CDH18: variants seen among roughly 807,000 people sequenced by gnomAD.
CDH18 encodes the protein cadherin 18, also known as cadherin-18.
Under a neutral mutation model 67.9 loss-of-function variants are expected in CDH18, and 31 were observed. The observed-to-expected ratio is 0.46, with a 90% CI of 0.34 to 0.62. The LOEUF (loss-of-function observed/expected upper bound fraction) is 0.62, where lower values mean the gene tolerates loss of function less well. CDH18 is among the 20% of genes least tolerant of loss of function. CDH18 has a pLI of 0.01. For missense variants in CDH18, 890 were observed against 975.5 expected, an observed-to-expected ratio of 0.91 and a Z score of 1.17; for synonymous variants, 362 against 347.2, an observed-to-expected ratio of 1.04 and a Z score of -0.48.
intron 1 of CDH18, among the ~76,000 whole-genome samples, chr5:20,345,308 T>C (rs1740612230): frequency 6.6e-6 from 1 of 152,146 alleles, no homozygotes; most frequent in South Asian, 2.1e-4. Flanking sequence ...GCTTCTGTGG[T>C]AATTCTCACG....
chr5:20,403,290 G>C (rs950128623), intron 1 of CDH18, among the ~76,000 whole-genome samples: 4 of 151,912 alleles, frequency 2.6e-5, no homozygotes, highest in African/African-American at 9.7e-5. Context: ...TTCTCCAACT[G>C]TTAGTGTAGG....
chr5:20,495,786 T>A (rs1343553611), intron 1 of CDH18, among the ~76,000 whole-genome samples: 1 of 150,732 alleles, frequency 6.6e-6, no homozygotes, highest in African/African-American at 2.4e-5. Flanking sequence ...GATTTAAATA[T>A]CGAGTTCTAG....
At chr5:20,202,944 A>C (rs1739565901) in intron 2 of CDH18, among the ~76,000 whole-genome samples, 1 of 152,136 alleles carries the variant, frequency 6.6e-6, no homozygotes, top group Admixed American at 6.6e-5. Flanking sequence ...AACATATAGC[A>C]CTGAGGTTAT....
At chr5:20,016,244 A>C (rs904243622) in intron 2 of CDH18, among the ~76,000 whole-genome samples, 79 of 152,182 alleles carry the variant, frequency 5.2e-4, no homozygotes, top group African/African-American at 1.9e-3. Flanking sequence ...TCTCACTTAT[A>C]AGGGGGAGCT....
At chr5:19,716,323 C>T (rs1435906865) in intron 5 of CDH18, among the ~76,000 whole-genome samples, 1 of 152,040 alleles carries the variant, frequency 6.6e-6, no homozygotes, top group African/African-American at 2.4e-5. Context: ...GAACACAAAG[C>T]ATCCTCAACT....
chr5:20,363,918 T>C (rs2150075048), intron 1 of CDH18, among the ~76,000 whole-genome samples: 1 of 152,268 alleles, frequency 6.6e-6, no homozygotes, highest in South Asian at 2.1e-4. Flanking sequence ...GGCACTACCA[T>C]GTCCATTGTG....
At chr5:20,242,620 A>ATATACATATATATATATATACATG (rs1743043707) in intron 2 of CDH18, among the ~76,000 whole-genome samples, 4 of 68,880 alleles carry the variant, frequency 5.8e-5, no homozygotes, top group East Asian at 8.8e-4. Context: ...AAATATATAT[A>ATATACATATATATATATATACATG]TATATATATA....
chr5:20,387,146 G>C (rs1158327994), intron 1 of CDH18, among the ~76,000 whole-genome samples: 1 of 152,012 alleles, frequency 6.6e-6, no homozygotes. Flanking sequence ...AGACATGTAA[G>C]AATGGATATA....
intron 2 of CDH18, among the ~76,000 whole-genome samples, chr5:20,193,302 A>G (rs1188246888): frequency 2.6e-5 from 4 of 152,156 alleles, no homozygotes; most frequent in African/African-American, 9.7e-5. Flanking sequence ...AGAATACCAT[A>G]AACACCTCCA....
intron 1 of CDH18, among the ~76,000 whole-genome samples, chr5:20,346,329 G>C (rs140862161): frequency 1.3e-5 from 2 of 152,222 alleles, no homozygotes; most frequent in Non-Finnish European, 2.9e-5. Context: ...ATCAGAACAA[G>C]AATTTTTGGA....
chr5:19,717,875 C>A (rs1455962862), intron 5 of CDH18, among the ~76,000 whole-genome samples: 2 of 151,928 alleles, frequency 1.3e-5, no homozygotes, highest in African/African-American at 4.8e-5. Flanking sequence ...GCCCCTGTAC[C>A]TTTTAAATGG....
At position 19,557,580 on chromosome 5, in the gene CDH18, A is replaced by T. The variant is rs146182633; in HGVS notation, c.1254-13575T>A. ...TAAAAGAACTAGTCCAACAGAAAAA[A>T]AAATTCACAATTCTACATATACATG... is the stretch of plus-strand genomic sequence containing the variant. On this transcript the variant is annotated intron_variant, in intron 8 of 12. Coordinates refer to ENST00000382275, the MANE Select transcript of CDH18 (RefSeq NM_004934.5). Among the ~76,000 whole-genome samples, 70 of 152,156 alleles carry T rather than the reference A, an allele frequency of 4.6e-4. No individual in the cohort carries two copies. In the East Asian group the frequency reaches 0.013, roughly 29 times the overall value.
chr5:19,543,321 A>C (rs1735735251), intron 9 of CDH18, among the ~76,000 whole-genome samples: 1 of 152,006 alleles, frequency 6.6e-6, no homozygotes, highest in Non-Finnish European at 1.5e-5. Flanking sequence ...TTCTGGGTGG[A>C]GGTAGAACAA....
At chr5:20,256,978 A>ATCTATCTATCTGTCTAATC (rs1554108500) in intron 1 of CDH18, among the ~76,000 whole-genome samples, 4 of 133,580 alleles carry the variant, frequency 3.0e-5, no homozygotes, top group Non-Finnish European at 6.2e-5. Flanking sequence ...ATCTATATCT[A>ATCTATCTATCTGTCTAATC]TATCTATATC....
chr5:20,096,162 G>C (rs1185864659), intron 2 of CDH18, among the ~76,000 whole-genome samples: 1 of 152,090 alleles, frequency 6.6e-6, no homozygotes, highest in Non-Finnish European at 1.5e-5. Flanking sequence ...TATGCCAGTT[G>C]AAAACCACAC....
At chr5:20,402,024 A>G (rs1156505081) in intron 1 of CDH18, among the ~76,000 whole-genome samples, 3 of 151,870 alleles carry the variant, frequency 2.0e-5, no homozygotes, top group Admixed American at 6.6e-5. Flanking sequence ...CTTTTTATCA[A>G]CTCACTCTAT....
chr5:19,544,123 T>C, intron 8 of CDH18, 118 bp from the exon 9 acceptor site: 2 of 422,210 alleles, frequency 4.7e-6, no homozygotes, highest in Admixed American at 8.1e-5. Context: ...AAATTCTATA[T>C]TTGATTACAT....
chr5:19,718,223 T>C (rs1318238833), intron 5 of CDH18, among the ~76,000 whole-genome samples: 1 of 151,936 alleles, frequency 6.6e-6, no homozygotes, highest in Non-Finnish European at 1.5e-5. Flanking sequence ...CTGATTTTAG[T>C]CATAAGCACT....
At chr5:19,665,781 T>C (rs1186294428) in intron 5 of CDH18, among the ~76,000 whole-genome samples, 1 of 151,998 alleles carries the variant, frequency 6.6e-6, no homozygotes, top group Admixed American at 6.6e-5. Flanking sequence ...GTTGTTACAA[T>C]GGGAAGAATA....
Sources: gnomAD v4.1 joint callset for allele counts (sites outside exome capture counted in the v4.1 genomes callset) on GRCh38, gnomAD v4.1.1 for gene constraint, MANE v1.5 for transcripts, NCBI Gene and HGNC (gene_info 2026-07-23, HGNC 2026-07-21) for gene names.